LAMA2: variants seen among roughly 807,000 people sequenced by gnomAD.
LAMA2 encodes the protein laminin subunit alpha-2.
In LAMA2, 269 loss-of-function variants were observed where a neutral mutation model predicts 364.8. The ratio of observed to expected loss-of-function variants is 0.74; its 90% CI spans 0.67 to 0.82. LAMA2 has a LOEUF of 0.82. LAMA2 is among the 40% of genes least tolerant of loss of function. LAMA2 has a pLI of 0.00. For synonymous variants in LAMA2, 1,379 were observed against 1,370.6 expected (o/e 1.01, Z -0.14); for missense variants, 3,807 against 3,873.2 (o/e 0.98, Z 0.45).
intron 12 of LAMA2, among the ~76,000 whole-genome samples, chr6:129,245,903 G>C (rs767544432): frequency 7.2e-5 from 11 of 152,122 alleles, no homozygotes; most frequent in Admixed American, 1.3e-4. Flanking sequence ...AAAGAGGCTA[G>C]ATCAGACATA....
chr6:128,920,554 C>T (rs1778636156), intron 1 of LAMA2, among the ~76,000 whole-genome samples: 1 of 152,008 alleles, frequency 6.6e-6, no homozygotes, highest in African/African-American at 2.4e-5. Context: ...TCTATTCTTC[C>T]CCTAATCAAA....
At chr6:129,210,021 A>AAAAAAAAAAAAAAC (rs1782987757) in intron 12 of LAMA2, among the ~76,000 whole-genome samples, 1 of 146,906 alleles carries the variant, frequency 6.8e-6, no homozygotes, top group Non-Finnish European at 1.5e-5. Context: ...AAAAAAAAAA[A>AAAAAAAAAAAAAAC]AAAATTTTTA....
At chr6:129,209,799 C>T (rs1373530412) in intron 12 of LAMA2, among the ~76,000 whole-genome samples, 1 of 151,746 alleles carries the variant, frequency 6.6e-6, no homozygotes, top group Non-Finnish European at 1.5e-5. Context: ...GTCAGGAGAT[C>T]GAGACCATCC....
intron 3 of LAMA2, among the ~76,000 whole-genome samples, chr6:129,093,399 G>A (rs138890684): frequency 2.6e-4 from 39 of 152,106 alleles, no homozygotes; most frequent in African/African-American, 8.7e-4. Flanking sequence ...ATATTAAGCT[G>A]CAGGGAAGGG....
intron 12 of LAMA2, among the ~76,000 whole-genome samples, chr6:129,203,994 A>T (rs997411564): frequency 6.6e-6 from 1 of 152,186 alleles, no homozygotes; most frequent in African/African-American, 2.4e-5. Context: ...TATTTTGGAG[A>T]TCTTCCTTAT....
intron 1 of LAMA2, among the ~76,000 whole-genome samples, chr6:129,013,260 C>A (rs1006580334): frequency 2.0e-5 from 3 of 152,118 alleles, no homozygotes; most frequent in Non-Finnish European, 2.9e-5. Context: ...ACGGTGAAAC[C>A]CCGTCTCTAC....
chr6:128,987,232 C>T (rs900240845), intron 1 of LAMA2, among the ~76,000 whole-genome samples: 1 of 150,814 alleles, frequency 6.6e-6, no homozygotes, highest in Non-Finnish European at 1.5e-5. Flanking sequence ...TCTTGCTTCC[C>T]AGGTTCAAGT....
intron 51 of LAMA2, among the ~76,000 whole-genome samples, chr6:129,471,618 A>T (rs532337161): frequency 6.6e-6 from 1 of 151,912 alleles, no homozygotes; most frequent in Non-Finnish European, 1.5e-5. Flanking sequence ...AAAGGAATGT[A>T]TATGAAAAAG....
intron 1 of LAMA2, among the ~76,000 whole-genome samples, chr6:128,968,436 T>C (rs912821197): frequency 1.3e-5 from 2 of 152,040 alleles, no homozygotes; most frequent in African/African-American, 4.8e-5. Context: ...AAAAAGCCAA[T>C]GAATAAGGAA....
chr6:129,299,943 T>C (rs1316424153), intron 21 of LAMA2, among the ~76,000 whole-genome samples: 1 of 152,216 alleles, frequency 6.6e-6, no homozygotes, highest in Non-Finnish European at 1.5e-5. Context: ...CTCACTTACA[T>C]TTCTTTGACA....
intron 12 of LAMA2, among the ~76,000 whole-genome samples, chr6:129,207,729 C>G (rs1370219670): frequency 6.6e-6 from 1 of 151,970 alleles, no homozygotes; most frequent in Non-Finnish European, 1.5e-5. Context: ...ATACAATCTT[C>G]CAGTTCCTAA....
intron 1 of LAMA2, among the ~76,000 whole-genome samples, chr6:129,007,267 G>T (rs1784500458): frequency 6.6e-6 from 1 of 152,104 alleles, no homozygotes; most frequent in Admixed American, 6.6e-5. Context: ...AAATATGAGA[G>T]ACCCTAAGCA....
chr6:129,119,829 T>C (rs1776702281), intron 4 of LAMA2, among the ~76,000 whole-genome samples: 1 of 152,220 alleles, frequency 6.6e-6, no homozygotes, highest in Non-Finnish European at 1.5e-5. Context: ...ATTACAGGCG[T>C]GAGCCACTGC....
intron 15 of LAMA2, 52 bp from the exon 16 acceptor site, chr6:129,267,054 C>G (rs1787568546): frequency 1.8e-6 from 2 of 1,136,350 alleles, no homozygotes; most frequent in Non-Finnish European, 1.3e-6. Flanking sequence ...CAAACAAAAA[C>G]ACCTTTTTGT....
rs1780210212 is a variant in LAMA2, at chr6:128,942,331, T to G, written c.112+58974T>G. ...AAATAACAGTACATCACCAGATCAT[T>G]TTTAAAAAGTGTTCTATTGTAGTTA... is the stretch of plus-strand genomic sequence containing the variant. On this transcript the variant is annotated intron_variant, in intron 1 of 64. Coordinates refer to ENST00000421865, the MANE Select transcript of LAMA2 (RefSeq NM_000426.4). Among the ~76,000 whole-genome samples, 3 of 152,166 alleles carry G rather than the reference T, an allele frequency of 2.0e-5. No homozygotes were observed. In the South Asian group the frequency reaches 6.2e-4, roughly 32 times the overall value.
At chr6:129,071,946 G>A (rs972826288) in intron 3 of LAMA2, among the ~76,000 whole-genome samples, 5 of 151,212 alleles carry the variant, frequency 3.3e-5, no homozygotes, top group Non-Finnish European at 5.9e-5. Flanking sequence ...TGGGCAACGT[G>A]GTGAAACCTC....
intron 12 of LAMA2, among the ~76,000 whole-genome samples, chr6:129,245,567 G>GT (rs1423546283): frequency 3.3e-5 from 5 of 152,094 alleles, no homozygotes; most frequent in Non-Finnish European, 5.9e-5. Flanking sequence ...GAAAATTACA[G>GT]TTATTTGCAG....
chr6:128,938,516 A>G (rs1779969931), intron 1 of LAMA2, among the ~76,000 whole-genome samples: 1 of 152,174 alleles, frequency 6.6e-6, no homozygotes, highest in Admixed American at 6.5e-5. Context: ...CTAGGCAAAC[A>G]TAAGATTTTT....
rs114591110 is a variant in LAMA2, at chr6:129,229,626, C to T, written c.1783-20486C>T. 6.4e-3 allele frequency among the ~76,000 whole-genome samples: 948 copies of T among 149,286 alleles called. 11 individuals are homozygous for T. Among genetic ancestry groups the T allele is most frequent in the African/African-American group, 0.021 (875 of 41,390 alleles). On this transcript the variant is annotated intron_variant, in intron 12 of 64. Transcript: ENST00000421865. ...ACAAACAGATAGACCAGTTAAGAGA[C>T]TTGGCATTCATCCAGTCATTAGCTG...
Sources: gnomAD v4.1 joint callset for allele counts (sites outside exome capture counted in the v4.1 genomes callset) on GRCh38, gnomAD v4.1.1 for gene constraint, MANE v1.5 for transcripts, NCBI Gene and HGNC (gene_info 2026-07-23, HGNC 2026-07-21) for gene names.